NRXN1: variants seen among roughly 807,000 people sequenced by gnomAD.
NRXN1 encodes neurexin-1.
Under a neutral mutation model 150.9 loss-of-function variants are expected in NRXN1, and 39 were observed. The ratio of observed to expected loss-of-function variants is 0.26; its 90% CI spans 0.20 to 0.34. The LOEUF (loss-of-function observed/expected upper bound fraction) is 0.34. NRXN1 is among the 10% of genes least tolerant of loss of function. The probability of loss-of-function intolerance (pLI) is 1.00; values close to 1 mark genes in which losing one functional copy is unlikely to be tolerated. For missense variants in NRXN1, 1,815 were observed against 1,949.9 expected, an observed-to-expected ratio of 0.93 and a Z score of 1.30; for synonymous variants, 924 against 757.0, an observed-to-expected ratio of 1.22 and a Z score of -3.62.
At chr2:50,669,223 G>C (rs1197707533) in intron 5 of NRXN1, among the ~76,000 whole-genome samples, 1 of 151,952 alleles carries the variant, frequency 6.6e-6, no homozygotes, top group African/African-American at 2.4e-5. Context: ...GACAGGCATG[G>C]GACCTGGAAC....
chr2:50,777,430 G>C (rs1419930931), intron 5 of NRXN1, among the ~76,000 whole-genome samples: 1 of 152,086 alleles, frequency 6.6e-6, no homozygotes, highest in Non-Finnish European at 1.5e-5. Flanking sequence ...TTGATTTTTA[G>C]AAACGCTTAC....
At chr2:50,197,375 C>A (rs567462263) in intron 18 of NRXN1, among the ~76,000 whole-genome samples, 8 of 152,184 alleles carry the variant, frequency 5.3e-5, no homozygotes, top group African/African-American at 1.9e-4. Context: ...GTTTTAGGAA[C>A]TTAGTTTCCT....
intron 22 of NRXN1, among the ~76,000 whole-genome samples, chr2:49,931,175 G>T (rs552329511): frequency 6.6e-6 from 1 of 152,240 alleles, no homozygotes; most frequent in South Asian, 2.1e-4. Context: ...AAGCAAGGGG[G>T]TTGAACACTG....
intron 18 of NRXN1, among the ~76,000 whole-genome samples, chr2:50,108,691 G>T (rs1701989829): frequency 6.6e-6 from 1 of 152,078 alleles, no homozygotes; most frequent in Non-Finnish European, 1.5e-5. Flanking sequence ...ACAATCCGTT[G>T]CATGATAAAA....
intron 17 of NRXN1, among the ~76,000 whole-genome samples, chr2:50,459,965 C>A (rs1251914714): frequency 6.6e-6 from 1 of 151,908 alleles, no homozygotes; most frequent in Non-Finnish European, 1.5e-5. Context: ...ATGATAAACA[C>A]GGATATATAA....
intron 5 of NRXN1, chr2:50,630,979 T>C (rs1682207072): frequency 5.4e-6 from 2 of 371,796 alleles, no homozygotes; most frequent in South Asian, 4.3e-5. Context: ...TGTCTGCTTA[T>C]TGAAATTCAT....
At chr2:50,962,771 C>T (rs1006100778) in intron 2 of NRXN1, among the ~76,000 whole-genome samples, 2 of 151,588 alleles carry the variant, frequency 1.3e-5, no homozygotes, top group Non-Finnish European at 3.0e-5. Flanking sequence ...TTGACCAGTT[C>T]TGTGTTCAAT....
In NRXN1 at chr2:50,440,441, A is replaced by G. The variant is rs57099169; in HGVS notation, c.3364+25001T>C. Among the ~76,000 whole-genome samples, 747 of 152,130 alleles carry G rather than the reference A, an allele frequency of 4.9e-3. 10 individuals carry two copies. The highest frequency in any genetic ancestry group is 0.017 in the African/African-American group (713 of 41,490). On this transcript the variant is annotated intron_variant, in intron 17 of 22. Coordinates refer to ENST00000401669, the MANE Select transcript of NRXN1 (RefSeq NM_001330078.2). Reference sequence around the variant, plus strand: ...ATTATTATTTAGAAGATAAAATACTATACCAAACTGATTGTATCTCTGCCC... The same window carrying G: ...ATTATTATTTAGAAGATAAAATACTGTACCAAACTGATTGTATCTCTGCCC...
chr2:50,405,985 A>G (rs897864090), intron 17 of NRXN1, among the ~76,000 whole-genome samples: 3 of 152,166 alleles, frequency 2.0e-5, no homozygotes, highest in Admixed American at 1.3e-4. Context: ...TCAGCCACAG[A>G]TTGGTAAATC....
At position 50,252,237 on chromosome 2, in the gene NRXN1, T is replaced by TC. The variant is rs1398745932; in HGVS notation, c.3365-15268_3365-15267insG. ...ATATTTTAAATACATTTTGTCCTTT[T>TC]TTTTTTTTCTTTTTTCTTTTCTTTT... On this transcript the variant is annotated intron_variant, in intron 17 of 22. Coordinates refer to ENST00000401669, the MANE Select transcript of NRXN1 (RefSeq NM_001330078.2). Among the ~76,000 whole-genome samples the TC allele has an allele frequency of 4.3e-5, 6 of 138,314 alleles. No homozygotes were observed. The South Asian group carries it at 8.9e-4, about 20-fold the overall frequency. The allele number at this position is 138,314 out of a possible 152,430, so 90.7% of individuals were successfully genotyped here.
chr2:51,019,423 C>A (rs1418996897), intron 2 of NRXN1, among the ~76,000 whole-genome samples: 2 of 152,098 alleles, frequency 1.3e-5, no homozygotes, highest in African/African-American at 2.4e-5. Flanking sequence ...TGATTTTTAA[C>A]AGAATGATTT....
intron 17 of NRXN1, among the ~76,000 whole-genome samples, chr2:50,448,766 C>T (rs776369706): frequency 1.6e-4 from 25 of 152,034 alleles, no homozygotes; most frequent in Admixed American, 5.2e-4. Context: ...CTTTGGCAGC[C>T]GACAATCCAG....
At chr2:49,940,331 C>A (rs1572949759) in intron 22 of NRXN1, among the ~76,000 whole-genome samples, 1 of 152,142 alleles carries the variant, frequency 6.6e-6, no homozygotes, top group Admixed American at 6.5e-5. Context: ...CAAAATATAG[C>A]CTAATATGTG....
chr2:50,346,987 C>A lies in NRXN1; in HGVS notation c.3365-110017G>T. The A allele has an allele frequency of 7.4e-7, 1 of 1,359,656 alleles. No individual in the cohort carries two copies. Among genetic ancestry groups the A allele is most frequent in the South Asian group, 1.4e-5 (1 of 69,034 alleles). 84.2% of individuals were successfully genotyped at this position (1,359,656 alleles called of 1,614,324 possible). On this transcript the variant is annotated intron_variant, in intron 17 of 22. Coordinates refer to ENST00000401669, the MANE Select transcript of NRXN1 (RefSeq NM_001330078.2). This position sits in a 1 kb window ranked among gnomAD's most constrained non-coding sequence, Gnocchi z 5.0. ...GCCGAGGGGCAGCCGCCGCGGGAGG[C>A]AAAGTTTGGGGCGCGGGGAGAGGAG...
chr2:49,990,302 G>C (rs922841206), intron 21 of NRXN1, among the ~76,000 whole-genome samples: 1 of 152,066 alleles, frequency 6.6e-6, no homozygotes, highest in African/African-American at 2.4e-5. Context: ...TCAAAAGAAA[G>C]ACAGTGTGAT....
chr2:50,971,867 C>T (rs957384390), intron 2 of NRXN1, among the ~76,000 whole-genome samples: 1 of 152,102 alleles, frequency 6.6e-6, no homozygotes, highest in Admixed American at 6.6e-5. Context: ...TCTCATTTAC[C>T]TTTAAATAGC....
At chr2:50,328,902 C>A (rs924759945) in intron 17 of NRXN1, among the ~76,000 whole-genome samples, 1 of 152,164 alleles carries the variant, frequency 6.6e-6, no homozygotes. Flanking sequence ...TCTAACACAT[C>A]TTGTCTCTTG....
chr2:50,289,605 C>A (rs2072646434), intron 17 of NRXN1, among the ~76,000 whole-genome samples: 1 of 152,030 alleles, frequency 6.6e-6, no homozygotes, highest in Admixed American at 6.6e-5. Flanking sequence ...TCACTGTATT[C>A]CTAAAGGCAA....
chr2:50,648,857 T>C (rs1219864577), intron 5 of NRXN1, among the ~76,000 whole-genome samples: 3 of 152,030 alleles, frequency 2.0e-5, no homozygotes. Flanking sequence ...ATAGAACTTT[T>C]GGCCCTTCTA....
Sources: allele counts gnomAD v4.1 joint callset (sites outside exome capture counted in the v4.1 genomes callset), GRCh38; gene constraint gnomAD v4.1.1; non-coding constraint Gnocchi (gnomAD v3.1); transcripts MANE v1.5; gene names NCBI Gene and HGNC (gene_info 2026-07-23, HGNC 2026-07-21).